Variants in ELAC2 observed in about 807,000 individuals in gnomAD.
ELAC2 encodes the protein elaC ribonuclease Z 2, also known as zinc phosphodiesterase ELAC protein 2.
ELAC2 carries 92 observed loss-of-function variants against 105.2 expected under a neutral mutation model. The ratio of observed to expected loss-of-function variants is 0.87; its 90% CI spans 0.74 to 1.04. ELAC2 has a LOEUF of 1.04. ELAC2 is among the 50% of genes least tolerant of loss of function. The pLI is 0.00. For synonymous variants in ELAC2, 468 were observed against 409.1 expected (o/e 1.14, Z -1.74); for missense variants, 1,099 against 1,071.7 (o/e 1.03, Z -0.36).
rs751671002 is a variant in ELAC2 at position 13,013,271 on chromosome 17, C to T, written c.495G>A (p.Val165=). 15 of 1,613,972 alleles carry T rather than the reference C, an allele frequency of 9.3e-6. No homozygotes were observed. The highest frequency in any genetic ancestry group is 1.6e-4 in the Middle Eastern group (1 of 6,084). The change falls in exon 6 of 24, where the codon GTG becomes GTA. Residue 165 remains valine (V), a synonymous_variant. Coordinates refer to ENST00000338034, the MANE Select transcript of ELAC2 (RefSeq NM_018127.7). ...SGPLKGIELA[V]RPHSAPEYED... ...CGTATTCTGGGGCAGAGTGGGGCCG[C>T]ACAGCTACAAGAAAACCACACAACA...
At position 13,002,510 on chromosome 17, in the gene ELAC2, G is replaced by A; in HGVS notation, c.1149C>T (p.His383=). Reference sequence around the variant, plus strand: ...TGAGGTTGAGCTGGGTTTGAATCTTGTGGCTGCGAAGGTTGTGAACTGAGG... The same window carrying A: ...TGAGGTTGAGCTGGGTTTGAATCTTATGGCTGCGAAGGTTGTGAACTGAGG... The part of the protein sequence containing the change: ...NCASVHNLRS[H]KIQTQLNLIH... The change falls in exon 13 of 24, where the codon CAC becomes CAT. Residue 383 remains histidine (H), a synonymous_variant. Transcript: ENST00000338034. The A allele has an allele frequency of 6.2e-7, 1 of 1,606,106 alleles. No individual in the cohort carries two copies. Among genetic ancestry groups the A allele is most frequent in the African/African-American group, 1.3e-5 (1 of 74,956 alleles).
rs758715191 is a variant in ELAC2, at chr17:13,002,333, G to T, written c.1245C>A (p.Pro415=). 1 of 1,614,208 alleles carries T rather than the reference G, an allele frequency of 6.2e-7. No individual in the cohort carries two copies. The highest frequency in any genetic ancestry group is 8.5e-7 in the Non-Finnish European group (1 of 1,180,050). Residue 415 remains proline (P), a synonymous_variant, in exon 14 of 24, where the codon CCC becomes CCA. Transcript: ENST00000338034. ...TGAGGAGGCATTCACCCTGAACCAT[G>T]GGCACACTGAGGGTGGGGCCCTCCT... is the stretch of plus-strand genomic sequence containing the variant. ...CKKEGPTLSV[P]MVQGECLLKY... is the part of the protein sequence containing the mutation.
chr17:12,994,870 C>T lies in ELAC2; in HGVS notation c.1923G>A (p.Leu641=), dbSNP rs1045842903. The T allele has an allele frequency of 6.2e-7, 1 of 1,614,096 alleles. No homozygotes were observed. Residue 641 remains leucine, a synonymous_variant, in exon 21 of 24, where the codon CTG becomes CTA. Transcript: ENST00000338034. ...CAAACGCATGCTTGCAGTGCCGCAC[C>T]AGACAGGTCTGAAACTGAAAGGGTG... ...TCDLEEFQTC[L]VRHCKHAFGC...
rs149787503 is a variant in ELAC2 at position 13,015,989 on chromosome 17, C to A, written c.368-157G>T. Among the ~76,000 whole-genome samples, 58 of 152,358 alleles carry A rather than the reference C, an allele frequency of 3.8e-4. 1 individual carries two copies. Among genetic ancestry groups the A allele is most frequent in the African/African-American group, 1.4e-3 (58 of 41,588 alleles). ...ATGTACAGAGCAGAAGTGATGCCAG[C>A]TAGAGGTGTAACAGACACCAAATAT... On this transcript the variant is annotated intron_variant, in intron 3 of 23. Coordinates refer to ENST00000338034, the MANE Select transcript of ELAC2 (RefSeq NM_018127.7).
intron 23 of ELAC2, among the ~76,000 whole-genome samples, chr17:12,993,411 T>C (rs2040301921): frequency 6.6e-6 from 1 of 152,244 alleles, no homozygotes; most frequent in Non-Finnish European, 1.5e-5. Context: ...AGGTCTGTGC[T>C]GAGGCTCAAA....
At position 13,017,693 on chromosome 17, in the gene ELAC2, G is replaced by A; in HGVS notation, c.245+10C>T. 6.2e-7 allele frequency: 1 copy of A among 1,613,186 alleles called. No homozygotes were observed. The highest frequency in any genetic ancestry group is 8.5e-7 in the Non-Finnish European group (1 of 1,179,790). On this transcript the variant is annotated intron_variant, in intron 1 of 23. Coordinates refer to ENST00000338034, the MANE Select transcript of ELAC2 (RefSeq NM_018127.7). ...GGCCCAGCGGGACGGGGCGTGGCTC[G>A]TTGACTGACCGGTTGAACTCGGAGA... is the stretch of plus-strand genomic sequence containing the variant.
chr17:13,017,983 T>C lies in ELAC2; in HGVS notation c.-36A>G. On this transcript the variant is annotated 5_prime_UTR_variant, in exon 1 of 24. Transcript: ENST00000338034. Reference sequence around the variant, plus strand: ...CCACCAAAACTGAGAAAGCCGCCGGTCACCTACGCCCGCGTTTCCCGTGCA... The same window carrying C: ...CCACCAAAACTGAGAAAGCCGCCGGCCACCTACGCCCGCGTTTCCCGTGCA... 6.5e-7 allele frequency: 1 copy of C among 1,534,290 alleles called. No homozygotes were observed. The highest frequency in any genetic ancestry group is 8.7e-7 in the Non-Finnish European group (1 of 1,146,604).
At chr17:13,013,390 TCTGA>T in intron 5 of ELAC2, 115 bp from the exon 6 acceptor site, 1 of 1,134,266 alleles carries the variant, frequency 8.8e-7, no homozygotes, top group South Asian at 1.3e-5. Flanking sequence ...ATGGTGGGAA[TCTGA>T]CACGAAAACC....
At chr17:13,016,364 ATC>A (rs1214965372) in intron 3 of ELAC2, among the ~76,000 whole-genome samples, 6 of 152,146 alleles carry the variant, frequency 3.9e-5, no homozygotes, top group African/African-American at 1.4e-4. Context: ...ACTGCCACAA[ATC>A]TCTGTCCCCG....
At position 12,992,464 on chromosome 17, in the gene ELAC2, G is replaced by A. The variant is rs2040233411; in HGVS notation, c.*354C>T. ...TCGGACACTTAGACCCACTGATCCT[G>A]TTACTCTGCTTGTCTCTGGTGTGCA... On this transcript the variant is annotated 3_prime_UTR_variant, in exon 24 of 24. Coordinates refer to ENST00000338034, the MANE Select transcript of ELAC2 (RefSeq NM_018127.7). 6.9e-6 allele frequency: 3 copies of A among 435,332 alleles called. No homozygotes were observed. The highest frequency in any genetic ancestry group is 1.3e-5 in the Non-Finnish European group (3 of 235,428). The allele number at this position is 435,332 out of a possible 1,614,324, so 27.0% of individuals were successfully genotyped here.
Position 12,995,707 on chromosome 17 carries a change from T to TGTG in ELAC2, c.1801_1803dup (p.His601dup). 6.2e-7 allele frequency: 1 copy of TGTG among 1,610,154 alleles called. No individual in the cohort carries two copies. The highest frequency in any genetic ancestry group is 8.5e-7 in the Non-Finnish European group (1 of 1,178,426). Reference sequence around the variant, plus strand: ...CAGGCTGCCCTGGATGCTCACCTGATGTGGTGCAGGACCTCCTGGCACTGG... The same window carrying TGTG: ...CAGGCTGCCCTGGATGCTCACCTGATGTGGTGGTGCAGGACCTCCTGGCACTGG... On this transcript the variant is annotated inframe_insertion, in exon 19 of 24. Transcript: ENST00000338034.
intron 8 of ELAC2, among the ~76,000 whole-genome samples, chr17:13,006,835 C>CTT (rs1396202477): frequency 6.6e-6 from 1 of 152,074 alleles, no homozygotes; most frequent in Non-Finnish European, 1.5e-5. Context: ...TAAAAAATCT[C>CTT]TAATAGCCAG....
intron 4 of ELAC2, 113 bp downstream of exon 4, chr17:13,015,655 A>G: frequency 1.2e-6 from 1 of 861,726 alleles, no homozygotes; most frequent in Non-Finnish European, 2.0e-6. Context: ...GAAGCGTTTC[A>G]ACGACCAGGT....
Position 13,013,215 on chromosome 17 carries a change from G to A in ELAC2, c.551C>T (p.Pro184Leu). The A allele has an allele frequency of 1.2e-6, 2 of 1,614,164 alleles. No homozygotes were observed. Among genetic ancestry groups the A allele is most frequent in the South Asian group, 1.1e-5 (1 of 91,084 alleles). ...CTGGCTTTCATACTCACTGTGTATG[G>A]GGATCTGGTAAACTGTCATGGTTTC... Reference protein sequence around the residue: ...EDETMTVYQIPIHSEQRRGKH... With the variant: ...EDETMTVYQILIHSEQRRGKH... Residue 184 changes from proline (P) to leucine (L), a missense_variant, in exon 6 of 24, where the codon CCC becomes CTC. By Grantham distance (98) the Pro-to-Leu change is moderately conservative (BLOSUM62 -3). Transcript: ENST00000338034.
Position 13,017,952 on chromosome 17 carries a change from C to T in ELAC2, c.-5G>A, listed in dbSNP as rs771569163. On this transcript the variant is annotated 5_prime_UTR_variant, in exon 1 of 24. Transcript: ENST00000338034. ...CAGCGAGCAAAGCGCCCACATGCGC[C>T]CGTCTCCACCAAAACTGAGAAAGCC... 11 of 1,536,146 alleles carry T rather than the reference C, an allele frequency of 7.2e-6. 1 individual carries two copies. The African/African-American group carries it at 8.2e-5, about 11-fold the overall frequency.
Position 13,011,694 on chromosome 17 carries a change from C to A in ELAC2, c.648G>T (p.Glu216Asp). The change falls in exon 7 of 24, where the codon GAG becomes GAT. Residue 216 changes from glutamate to aspartate, a missense_variant. Physicochemically the swap from Glu to Asp is conservative, Grantham distance 45 (BLOSUM62 2). Coordinates refer to ENST00000338034, the MANE Select transcript of ELAC2 (RefSeq NM_018127.7). ...GAAGGTGTGGCTCATTTTCATTCGACTCGGAGTCTGAAGATCGCTCTGGAC... is the reference window on the plus strand; with the variant it reads ...GAAGGTGTGGCTCATTTTCATTCGAATCGGAGTCTGAAGATCGCTCTGGAC... Reference protein sequence around the residue: ...RLSPERSSDSESNENEPHLPH... With the variant: ...RLSPERSSDSDSNENEPHLPH... 1 of 1,614,146 alleles carries A rather than the reference C, an allele frequency of 6.2e-7. No homozygotes were observed. Among genetic ancestry groups the A allele is most frequent in the Non-Finnish European group, 8.5e-7 (1 of 1,180,034 alleles).
intron 14 of ELAC2, chr17:13,000,668 G>T: frequency 3.2e-6 from 1 of 314,604 alleles, no homozygotes; most frequent in Non-Finnish European, 6.2e-6. Flanking sequence ...CTGAGAAGCA[G>T]GGGCCCTAGA....
chr17:12,994,397 G>A (rs2040360632), intron 22 of ELAC2, 28 bp downstream of exon 22: 7 of 1,613,474 alleles, frequency 4.3e-6, no homozygotes, highest in African/African-American at 4.0e-5. Flanking sequence ...GAGGATGTGG[G>A]CGACAAGGAC....
rs533960332 is a variant in ELAC2 at position 12,992,136 on chromosome 17, T to TTGA, written c.*679_*681dup. On this transcript the variant is annotated 3_prime_UTR_variant, in exon 24 of 24. Coordinates refer to ENST00000338034, the MANE Select transcript of ELAC2 (RefSeq NM_018127.7). ...GGCTCTCACTGATTGATTTGATTGATTGATTGATTGATTGATAGAGAAAGC... is the reference window on the plus strand; with the variant it reads ...GGCTCTCACTGATTGATTTGATTGATTGATGATTGATTGATTGATAGAGAAAGC... 7.4e-5 allele frequency among the ~76,000 whole-genome samples: 9 copies of TTGA among 121,970 alleles called. No individual in the cohort carries two copies. The highest frequency in any genetic ancestry group is 1.6e-4 in the Admixed American group (2 of 12,738). 80.0% of individuals were successfully genotyped at this position (121,970 alleles called of 152,430 possible).
Sources: gnomAD v4.1 joint callset for allele counts (sites outside exome capture counted in the v4.1 genomes callset) on GRCh38, gnomAD v4.1.1 for gene constraint, MANE v1.5 for transcripts, NCBI Gene and HGNC (gene_info 2026-07-23, HGNC 2026-07-21) for gene names.